Variants in FA2H observed in about 807,000 individuals in gnomAD.
The protein encoded by FA2H is fatty acid 2-hydroxylase.
In FA2H, 22 loss-of-function variants were observed where a neutral mutation model predicts 44.9. The ratio of observed to expected loss-of-function variants is 0.49; its 90% CI spans 0.35 to 0.70. The LOEUF is 0.70. FA2H is among the 30% of genes least tolerant of loss of function. The pLI is 0.01. For missense variants in FA2H, 501 were observed against 504.9 expected (o/e 0.99, Z 0.07); for synonymous variants, 243 against 213.2 (o/e 1.14, Z -1.22).
chr16:74,771,339 C>T (rs1472195784), intron 1 of FA2H, among the ~76,000 whole-genome samples: 1 of 151,964 alleles, frequency 6.6e-6, no homozygotes, highest in Non-Finnish European at 1.5e-5. Context: ...TACAGGCATG[C>T]ACCACCACGC....
chr16:74,740,668 T>TAATAATAAA lies in FA2H; in HGVS notation c.271-554_271-553insTTTATTATT, dbSNP rs1173851680. 6.9e-5 allele frequency among the ~76,000 whole-genome samples: 10 copies of TAATAATAAA among 144,420 alleles called. No homozygotes were observed. The South Asian group carries it at 2.2e-3, about 32-fold the overall frequency. 94.7% of individuals were successfully genotyped at this position (144,420 alleles called of 152,430 possible). ...ATAATAATAATAATAATAATAATAA[T>TAATAATAAA]AAAATTTCTGCATAAATAAAAGAGG... On this transcript the variant is annotated intron_variant, in intron 1 of 6. Coordinates refer to ENST00000219368, the MANE Select transcript of FA2H (RefSeq NM_024306.5).
At chr16:74,749,302 T>C (rs1436113612) in intron 1 of FA2H, among the ~76,000 whole-genome samples, 1 of 152,198 alleles carries the variant, frequency 6.6e-6, no homozygotes. Flanking sequence ...TGGATGCCTG[T>C]GGTGGCCTAA....
intron 1 of FA2H, among the ~76,000 whole-genome samples, chr16:74,761,328 C>G (rs139948218): frequency 1.3e-5 from 2 of 152,018 alleles, no homozygotes; most frequent in Non-Finnish European, 2.9e-5. Flanking sequence ...CGGCATACAC[C>G]TGTAATCCCA....
Position 74,743,700 on chromosome 16 carries a change from G to T in FA2H, c.271-3585C>A, listed in dbSNP as rs147563798. Among the ~76,000 whole-genome samples, 328 of 152,248 alleles carry T rather than the reference G, an allele frequency of 2.2e-3. 1 individual carries two copies. The highest frequency in any genetic ancestry group is 3.3e-3 in the Admixed American group (51 of 15,306). Reference sequence around the variant, plus strand: ...CCTGCTTCTGCTCTCGGGTCCTAGGGCCACCCCAGGGAGCAATGTCAGGAC... The same window carrying T: ...CCTGCTTCTGCTCTCGGGTCCTAGGTCCACCCCAGGGAGCAATGTCAGGAC... On this transcript the variant is annotated intron_variant, in intron 1 of 6. Coordinates refer to ENST00000219368, the MANE Select transcript of FA2H (RefSeq NM_024306.5).
chr16:74,744,743 T>C (rs186652411), intron 1 of FA2H, among the ~76,000 whole-genome samples: 211 of 152,304 alleles, frequency 1.4e-3, no homozygotes, highest in African/African-American at 4.8e-3. Context: ...TGCACCACCA[T>C]GTCCACCAAA....
intron 1 of FA2H, among the ~76,000 whole-genome samples, chr16:74,756,357 G>A (rs1341333161): frequency 3.9e-5 from 6 of 152,200 alleles, no homozygotes; most frequent in South Asian, 2.1e-4. Flanking sequence ...ATCACTGCTT[G>A]GACGGACAAC....
chr16:74,767,350 C>T (rs1364558792), intron 1 of FA2H, among the ~76,000 whole-genome samples: 1 of 151,902 alleles, frequency 6.6e-6, no homozygotes, highest in Non-Finnish European at 1.5e-5. Flanking sequence ...GTGCACCTTT[C>T]TGGGAAATGA....
At chr16:74,746,688 C>G (rs1962431127) in intron 1 of FA2H, among the ~76,000 whole-genome samples, 1 of 151,586 alleles carries the variant, frequency 6.6e-6, no homozygotes, top group Non-Finnish European at 1.5e-5. Flanking sequence ...CTGCAGGCCT[C>G]CTGCTCCCTG....
chr16:74,731,911 T>C (rs1419704402), intron 2 of FA2H, among the ~76,000 whole-genome samples: 1 of 152,230 alleles, frequency 6.6e-6, no homozygotes, highest in Non-Finnish European at 1.5e-5. Context: ...CTTGCTCTGT[T>C]GCCCAAGTGA....
rs1477020267 is a variant in FA2H, at chr16:74,740,055, C to T, written c.331G>A (p.Glu111Lys). ...EETQKTDPAM[E>K]PRFKVVDWDK... ...CAATCCACCACTTTGAACCGTGGTT[C>T]CATAGCAGGATCTGTCTTCTGAGTT... The change falls in exon 2 of 7, where the codon GAA becomes AAA. Residue 111 changes from glutamate (E) to lysine (K), a missense_variant. By Grantham distance (56) the Glu-to-Lys change is moderately conservative. Coordinates refer to ENST00000219368, the MANE Select transcript of FA2H (RefSeq NM_024306.5). 1 of 1,614,090 alleles carries T rather than the reference C, an allele frequency of 6.2e-7. No homozygotes were observed. The highest frequency in any genetic ancestry group is 1.7e-5 in the Admixed American group (1 of 60,024).
At chr16:74,716,734 G>T in intron 5 of FA2H, 135 bp from the exon 6 acceptor site, 1 of 1,021,564 alleles carries the variant, frequency 9.8e-7, no homozygotes, top group Non-Finnish European at 1.4e-6. Flanking sequence ...ACCTTTGGTG[G>T]CTTTGGGGAG....
At position 74,767,594 on chromosome 16, in the gene FA2H, G is replaced by A. The variant is rs1386527330; in HGVS notation, c.270+6892C>T. The stretch of plus-strand genomic sequence containing the variant: ...AGGAGCATCAGTCGTAGGAGGAGAC[G>A]CAGCAACAGAGGCAGAGGCTGGCAT... On this transcript the variant is annotated intron_variant, in intron 1 of 6. Coordinates refer to ENST00000219368, the MANE Select transcript of FA2H (RefSeq NM_024306.5). 3.3e-5 allele frequency among the ~76,000 whole-genome samples: 5 copies of A among 152,184 alleles called. No individual in the cohort carries two copies. The East Asian group carries it at 9.6e-4, about 29-fold the overall frequency.
At chr16:74,720,834 G>T (rs954437362) in intron 4 of FA2H, among the ~76,000 whole-genome samples, 1 of 152,158 alleles carries the variant, frequency 6.6e-6, no homozygotes, top group Non-Finnish European at 1.5e-5. Context: ...TGAATCATAT[G>T]ACATATGGTC....
chr16:74,734,962 C>CCGGGGCTG (rs892820346), intron 2 of FA2H, among the ~76,000 whole-genome samples: 35 of 152,368 alleles, frequency 2.3e-4, no homozygotes, highest in African/African-American at 7.9e-4. Context: ...TTCCAGGCAG[C>CCGGGGCTG]CGGGGCTGCG....
intron 1 of FA2H, among the ~76,000 whole-genome samples, chr16:74,756,403 G>A (rs961017474): frequency 2.0e-5 from 3 of 152,040 alleles, no homozygotes; most frequent in African/African-American, 7.2e-5. Flanking sequence ...GGGGGCTGCC[G>A]CTTGCAAGGG....
intron 6 of FA2H, among the ~76,000 whole-genome samples, chr16:74,715,859 A>G (rs887159232): frequency 8.3e-5 from 12 of 143,994 alleles, no homozygotes; most frequent in Admixed American, 1.4e-4. Flanking sequence ...TCTGTTGCCC[A>G]GGCTGGAGTG....
At chr16:74,717,812 T>C (rs944204901) in intron 5 of FA2H, among the ~76,000 whole-genome samples, 39 of 152,110 alleles carry the variant, frequency 2.6e-4, no homozygotes, top group Non-Finnish European at 5.0e-4. Context: ...CCTGAGCAGG[T>C]TCCCAGAAGG....
chr16:74,716,981 G>C (rs1961720460), intron 5 of FA2H: 2 of 222,752 alleles, frequency 9.0e-6, no homozygotes, highest in Non-Finnish European at 1.8e-5. Context: ...TGGCTAGAGG[G>C]GCATTCTGGA....
chr16:74,720,964 G>A (rs1961822824), intron 4 of FA2H, among the ~76,000 whole-genome samples: 1 of 152,136 alleles, frequency 6.6e-6, no homozygotes, highest in South Asian at 2.1e-4. Flanking sequence ...CCATCCATCA[G>A]TTGAGGGACA....
Sources: gnomAD v4.1 joint callset for allele counts (sites outside exome capture counted in the v4.1 genomes callset) on GRCh38, gnomAD v4.1.1 for gene constraint, MANE v1.5 for transcripts, NCBI Gene and HGNC (gene_info 2026-07-23, HGNC 2026-07-21) for gene names.